GPAM: variants seen among roughly 807,000 people sequenced by gnomAD.
GPAM encodes glycerol-3-phosphate acyltransferase, mitochondrial.
A neutral mutation model predicts 105.0 loss-of-function variants in GPAM; 56 were observed. The ratio of observed to expected loss-of-function variants is 0.53; its 90% CI spans 0.43 to 0.67. The LOEUF is 0.67. GPAM is among the 30% of genes least tolerant of loss of function. The pLI, the probability that GPAM is intolerant of heterozygous loss-of-function variation, is 0.00. For missense variants in GPAM, 855 were observed against 989.8 expected, an observed-to-expected ratio of 0.86 and a Z score of 1.83; for synonymous variants, 368 against 354.4, an observed-to-expected ratio of 1.04 and a Z score of -0.43.
intron 1 of GPAM, among the ~76,000 whole-genome samples, chr10:112,198,012 A>G (rs945086475): frequency 6.6e-6 from 1 of 152,228 alleles, no homozygotes; most frequent in Admixed American, 6.5e-5. Flanking sequence ...ACAATTGTGA[A>G]GGGTCTTGGA....
chr10:112,155,887 G>A lies in GPAM; in HGVS notation c.2288C>T (p.Thr763Ile). ...QKLHKYLITR[T>I]ERNVAVYAES... ...ACCATATACTGCAACATTTCTTTCT[G>A]TTCTGGTTATTAGGTATTTGTGCAA... The change falls in exon 20 of 22, where the codon ACA becomes ATA. Residue 763 changes from threonine to isoleucine, a missense_variant. Thr to Ile is a moderately conservative substitution (Grantham distance 89). Transcript: ENST00000348367. The A allele has an allele frequency of 3.1e-6, 5 of 1,600,368 alleles. No homozygotes were observed. Among genetic ancestry groups the A allele is most frequent in the Non-Finnish European group, 2.6e-6 (3 of 1,167,844 alleles).
chr10:112,153,346 A>C lies in GPAM; in HGVS notation c.*204T>G. ...GCGAATAGAGGCTGAGGTCCCCCCA[A>C]GTGTTATCTGCAGGCTGCTGTGTTG... On this transcript the variant is annotated 3_prime_UTR_variant, in exon 22 of 22. Transcript: ENST00000348367. 6.7e-7 allele frequency: 1 copy of C among 1,485,824 alleles called. No individual in the cohort carries two copies. The highest frequency in any genetic ancestry group is 1.4e-5 in the African/African-American group (1 of 71,768). The allele number at this position is 1,485,824 out of a possible 1,614,324, so 92.0% of individuals were successfully genotyped here.
intron 1 of GPAM, among the ~76,000 whole-genome samples, chr10:112,201,002 T>A (rs1847790958): frequency 6.6e-6 from 1 of 152,232 alleles, no homozygotes; most frequent in African/African-American, 2.4e-5. Context: ...AATGCTTATC[T>A]GGTGGTCTTA....
chr10:112,187,466 A>T (rs954549268), upstream of GPAM, among the ~76,000 whole-genome samples: 1 of 152,188 alleles, frequency 6.6e-6, no homozygotes, highest in Non-Finnish European at 1.5e-5. Flanking sequence ...AATATAGAGG[A>T]TCATTTTATA....
At chr10:112,177,217 G>A (rs1847423023) in intron 5 of GPAM, among the ~76,000 whole-genome samples, 1 of 152,110 alleles carries the variant, frequency 6.6e-6, no homozygotes, top group Non-Finnish European at 1.5e-5. Context: ...TCTCATATGT[G>A]ATCTCATCAT....
chr10:112,210,710 C>T (rs1203676087), intron 1 of GPAM, among the ~76,000 whole-genome samples: 1 of 152,240 alleles, frequency 6.6e-6, no homozygotes, highest in Non-Finnish European at 1.5e-5. Flanking sequence ...CCTTTCATCG[C>T]CCTCTGCAAA....
intron 6 of GPAM, 28 bp from the exon 7 acceptor site, chr10:112,173,873 T>G: frequency 6.3e-7 from 1 of 1,585,370 alleles, no homozygotes; most frequent in East Asian, 2.2e-5. Context: ...AAAGAGACAA[T>G]GTAATTGTTT....
chr10:112,207,597 A>G (rs1165776694), intron 1 of GPAM, among the ~76,000 whole-genome samples: 1 of 152,212 alleles, frequency 6.6e-6, no homozygotes, highest in Non-Finnish European at 1.5e-5. Context: ...AGCTAAAATA[A>G]TAATTAAGTA....
chr10:112,219,095 T>C (rs1847997044), upstream of GPAM, among the ~76,000 whole-genome samples: 1 of 152,190 alleles, frequency 6.6e-6, no homozygotes, highest in Non-Finnish European at 1.5e-5. Flanking sequence ...CTATTCAAGA[T>C]GGAGTCACTG....
chr10:112,192,633 G>T (rs544030972), intron 1 of GPAM, among the ~76,000 whole-genome samples: 2 of 152,228 alleles, frequency 1.3e-5, no homozygotes, highest in Non-Finnish European at 2.9e-5. Context: ...ACTGAACCAA[G>T]GCCAGTGTGG....
chr10:112,187,802 G>C (rs1847612901), upstream of GPAM, among the ~76,000 whole-genome samples: 1 of 151,816 alleles, frequency 6.6e-6, no homozygotes, highest in South Asian at 2.1e-4. Context: ...TCATATTCTG[G>C]ATCATAAAAC....
the GPAM span, among the ~76,000 whole-genome samples, chr10:112,224,628 GT>G: frequency 6.6e-6 from 1 of 152,006 alleles, no homozygotes; most frequent in East Asian, 1.9e-4. Context: ...TTGTTTTTGT[GT>G]TTTGGGAAGG....
At chr10:112,166,613 A>G in intron 11 of GPAM, 98 bp from the exon 12 acceptor site, 1 of 784,374 alleles carries the variant, frequency 1.3e-6, no homozygotes, top group Non-Finnish European at 2.3e-6. Context: ...TGGAAACTGT[A>G]AGTTCATCTT....
upstream of GPAM, among the ~76,000 whole-genome samples, chr10:112,184,658 G>A (rs952456388): frequency 6.6e-6 from 1 of 152,186 alleles, no homozygotes; most frequent in Non-Finnish European, 1.5e-5. Context: ...TCCTTGAGGA[G>A]GGAAAACAAA....
chr10:112,202,385 G>A (rs559517040), intron 1 of GPAM, among the ~76,000 whole-genome samples: 1 of 142,776 alleles, frequency 7.0e-6, no homozygotes, highest in Admixed American at 6.8e-5. Context: ...TTAAAAATGA[G>A]GGGGTGAAGA....
chr10:112,166,927 T>C (rs949164769), intron 11 of GPAM, among the ~76,000 whole-genome samples: 1 of 152,152 alleles, frequency 6.6e-6, no homozygotes, highest in African/African-American at 2.4e-5. Flanking sequence ...ATGTCTAATA[T>C]TAGGCAAGTA....
In GPAM at chr10:112,152,388, T is replaced by C. The variant is rs1328270682; in HGVS notation, c.*1162A>G. On this transcript the variant is annotated 3_prime_UTR_variant, in exon 22 of 22. Coordinates refer to ENST00000348367, the MANE Select transcript of GPAM (RefSeq NM_001244949.2). ...TATGTGGCATAAGGGTTTAGGCATATAACCCATAAAAATTTGTTAAAAGTC... is the reference window on the plus strand; with the variant it reads ...TATGTGGCATAAGGGTTTAGGCATACAACCCATAAAAATTTGTTAAAAGTC... The C allele has an allele frequency of 1.0e-6, 1 of 984,244 alleles. No homozygotes were observed. Among genetic ancestry groups the C allele is most frequent in the African/African-American group, 1.7e-5 (1 of 57,226 alleles). 61.0% of individuals were successfully genotyped at this position (984,244 alleles called of 1,614,324 possible).
upstream of GPAM, among the ~76,000 whole-genome samples, chr10:112,187,037 A>G (rs1264078347): frequency 6.6e-6 from 1 of 152,238 alleles, no homozygotes; most frequent in African/African-American, 2.4e-5. Context: ...AAACTGTAAT[A>G]AGTTAAAAAT....
At chr10:112,173,555 TAAG>T (rs1241325076) in intron 7 of GPAM, 141 bp downstream of exon 7, 2 of 858,602 alleles carry the variant, frequency 2.3e-6, no homozygotes, top group Non-Finnish European at 1.9e-6. Flanking sequence ...AATAAGAATA[TAAG>T]AAGAGTTTAA....
Sources: gnomAD v4.1 joint callset for allele counts (sites outside exome capture counted in the v4.1 genomes callset) on GRCh38, gnomAD v4.1.1 for gene constraint, MANE v1.5 for transcripts, NCBI Gene and HGNC (gene_info 2026-07-23, HGNC 2026-07-21) for gene names.